The following NAALADL2 variants were observed in gnomAD, a reference collection of about 807,000 sequenced individuals.
NAALADL2 encodes the protein inactive N-acetylated-alpha-linked acidic dipeptidase-like protein 2.
NAALADL2 carries 76 observed loss-of-function variants against 87.2 expected under a neutral mutation model. The ratio of observed to expected loss-of-function variants is 0.87; its 90% CI spans 0.72 to 1.05. NAALADL2 has a LOEUF of 1.05. Among genes scored for constraint, NAALADL2 ranks in the 50% least tolerant of loss-of-function variants. NAALADL2 has a pLI of 0.00. For missense variants in NAALADL2, 1,089 were observed against 945.8 expected (o/e 1.15, Z -1.99); for synonymous variants, 354 against 331.0 (o/e 1.07, Z -0.75).
At chr3:175,475,114 C>A (rs1222388480) in intron 9 of NAALADL2, among the ~76,000 whole-genome samples, 1 of 151,112 alleles carries the variant, frequency 6.6e-6, no homozygotes, top group Non-Finnish European at 1.5e-5. Context: ...CTACTGGAGA[C>A]CTTAGGATGT....
chr3:175,161,704 G>T (rs1249580821), intron 2 of NAALADL2, among the ~76,000 whole-genome samples: 1 of 134,612 alleles, frequency 7.4e-6, no homozygotes, highest in Non-Finnish European at 1.6e-5. Context: ...ACTTTTTTTG[G>T]TTTGCCCAAA....
intron 1 of NAALADL2, among the ~76,000 whole-genome samples, chr3:174,532,796 AC>A (rs1039534919): frequency 6.6e-5 from 10 of 151,980 alleles, no homozygotes; most frequent in African/African-American, 2.4e-4. Flanking sequence ...TCCCCTGTTG[AC>A]TTTTGCAGGA....
intron 1 of NAALADL2, among the ~76,000 whole-genome samples, chr3:174,537,174 T>C (rs1001284118): frequency 4.6e-5 from 7 of 152,196 alleles, no homozygotes; most frequent in Non-Finnish European, 8.8e-5. Context: ...CTATGTATTG[T>C]AGAAATGTAT....
chr3:174,509,152 A>G (rs1472403495), intron 1 of NAALADL2, among the ~76,000 whole-genome samples: 2 of 151,064 alleles, frequency 1.3e-5, no homozygotes, highest in Non-Finnish European at 2.9e-5. Context: ...TGTGTCCAGT[A>G]CAATATTGAA....
chr3:174,814,856 G>A (rs1209975364), intron 3 of NAALADL2, among the ~76,000 whole-genome samples: 1 of 152,112 alleles, frequency 6.6e-6, no homozygotes, highest in East Asian at 1.9e-4. Context: ...TCGGTTGCAA[G>A]CTATGTTACT....
chr3:175,148,505 A>T (rs1310529732), intron 2 of NAALADL2, among the ~76,000 whole-genome samples: 1 of 151,874 alleles, frequency 6.6e-6, no homozygotes, highest in Non-Finnish European at 1.5e-5. Context: ...TTGGTCATAA[A>T]TTTTTTCCCA....
chr3:175,720,551 G>A (rs1742092763), intron 11 of NAALADL2, among the ~76,000 whole-genome samples: 1 of 151,892 alleles, frequency 6.6e-6, no homozygotes, highest in African/African-American at 2.4e-5. Flanking sequence ...AGTATTTGAA[G>A]ACATAATGGC....
At chr3:174,987,731 A>G (rs1032291448) in intron 1 of NAALADL2, among the ~76,000 whole-genome samples, 4 of 146,312 alleles carry the variant, frequency 2.7e-5, no homozygotes, top group Admixed American at 1.4e-4. Flanking sequence ...GGCTCAAGTG[A>G]TCCTCCTCCC....
In NAALADL2 at chr3:175,804,593, T is replaced by TG. The variant is rs1754541113; in HGVS notation, c.*1390_*1391insG. 1 of 151,826 alleles carries TG rather than the reference T, an allele frequency of 6.6e-6. No homozygotes were observed. Among genetic ancestry groups the TG allele is most frequent in the Admixed American group, 6.6e-5 (1 of 15,186 alleles). 9.4% of individuals were successfully genotyped at this position (151,826 alleles called of 1,614,324 possible). ...AAACATAGCCTCAGAGTATTTCATA[T>TG]AAATTTTCTCTATCTAATTCAAACA... On this transcript the variant is annotated 3_prime_UTR_variant, in exon 14 of 14. Coordinates refer to ENST00000454872, the MANE Select transcript of NAALADL2 (RefSeq NM_207015.3).
chr3:175,028,922 CAA>C (rs1467110191), intron 1 of NAALADL2, among the ~76,000 whole-genome samples: 1 of 151,260 alleles, frequency 6.6e-6, no homozygotes, highest in Non-Finnish European at 1.5e-5. Flanking sequence ...GTTTTAGAAT[CAA>C]AAGTCTCATA....
chr3:174,508,420 G>A (rs909071179), intron 1 of NAALADL2, among the ~76,000 whole-genome samples: 29 of 152,050 alleles, frequency 1.9e-4, no homozygotes, highest in African/African-American at 6.8e-4. Context: ...GTCCCTGGGT[G>A]TATAGTAGTT....
At chr3:175,290,670 G>T (rs1041015296) in intron 4 of NAALADL2, among the ~76,000 whole-genome samples, 1 of 152,140 alleles carries the variant, frequency 6.6e-6, no homozygotes, top group Non-Finnish European at 1.5e-5. Flanking sequence ...AGACCTTGGC[G>T]ATGACCTTGA....
chr3:175,044,170 G>A (rs565111202), intron 1 of NAALADL2, among the ~76,000 whole-genome samples: 1 of 151,978 alleles, frequency 6.6e-6, no homozygotes, highest in South Asian at 2.1e-4. Context: ...TGTGTAGCTT[G>A]TTCTTAGTGT....
chr3:175,726,765 T>C (rs1328941331), intron 11 of NAALADL2, among the ~76,000 whole-genome samples: 2 of 152,150 alleles, frequency 1.3e-5, no homozygotes, highest in South Asian at 4.1e-4. Flanking sequence ...CTAGGATTCC[T>C]GGTAAACTGG....
intron 2 of NAALADL2, among the ~76,000 whole-genome samples, chr3:175,190,167 T>TA (rs1737934848): frequency 6.9e-6 from 1 of 144,390 alleles, no homozygotes; most frequent in Non-Finnish European, 1.6e-5. Flanking sequence ...ATATATATAT[T>TA]ACATGAAAAC....
At chr3:175,064,639 C>T (rs746885262) in intron 1 of NAALADL2, among the ~76,000 whole-genome samples, 1 of 152,168 alleles carries the variant, frequency 6.6e-6, no homozygotes, top group Non-Finnish European at 1.5e-5. Context: ...CCTCACTCTC[C>T]TCCTGACCAG....
intron 1 of NAALADL2, among the ~76,000 whole-genome samples, chr3:175,004,404 A>AG (rs1748719891): frequency 6.8e-6 from 1 of 148,058 alleles, no homozygotes; most frequent in African/African-American, 2.5e-5. Flanking sequence ...AAAAAAAAAA[A>AG]AGCCAAAAAC....
intron 3 of NAALADL2, among the ~76,000 whole-genome samples, chr3:174,798,972 C>T (rs1031452197): frequency 2.0e-5 from 3 of 151,934 alleles, no homozygotes; most frequent in African/African-American, 7.3e-5. Context: ...AAGTTCAAGA[C>T]CAGCCTGGTC....
At chr3:175,049,772 A>C (rs1044697472) in intron 1 of NAALADL2, among the ~76,000 whole-genome samples, 1 of 152,208 alleles carries the variant, frequency 6.6e-6, no homozygotes. Flanking sequence ...GAGTCAGAAA[A>C]ATCAAGCATT....
Sources: gnomAD v4.1 joint callset for allele counts (sites outside exome capture counted in the v4.1 genomes callset) on GRCh38, gnomAD v4.1.1 for gene constraint, MANE v1.5 for transcripts, NCBI Gene and HGNC (gene_info 2026-07-23, HGNC 2026-07-21) for gene names.